The following RNF207 variants were observed in gnomAD, a reference collection of about 807,000 sequenced individuals.
The protein encoded by RNF207 is OTTHUMG00000001089.
Under a neutral mutation model 79.0 loss-of-function variants are expected in RNF207, and 72 were observed. That is an observed-to-expected ratio of 0.91 (90% CI 0.75 to 1.11). The LOEUF is 1.11. RNF207 is among the 50% of genes least tolerant of loss of function. The probability of loss-of-function intolerance (pLI) is 0.00; values close to 1 mark genes in which losing one functional copy is unlikely to be tolerated. For missense variants in RNF207, 936 were observed against 855.8 expected (o/e 1.09, Z -1.17); for synonymous variants, 348 against 366.2 (o/e 0.95, Z 0.57).
chr1:6,218,414 T>A, intron 17 of RNF207, 45 bp downstream of exon 17: 1 of 1,416,114 alleles, frequency 7.1e-7, no homozygotes, highest in Non-Finnish European at 1.0e-6. Flanking sequence ...CGATGTGGCT[T>A]CTGAGGCCAA....
At chr1:6,209,666 T>C in intron 7 of RNF207, 127 bp downstream of exon 7, 1 of 1,221,804 alleles carries the variant, frequency 8.2e-7, no homozygotes, top group Non-Finnish European at 1.1e-6. Flanking sequence ...TTCCTGGAGT[T>C]GCTAGGAGAG....
chr1:6,209,148 C>A lies in RNF207; in HGVS notation c.503C>A (p.Thr168Asn). ...GCAGAGCCCTACCTCTTGTTCTCCA[C>A]CGACAAGAAGTTGCTGTTGTGCATC... ...LHAEPYLLFS[T>N]DKKLLLCIRC... The change falls in exon 5 of 18, where the codon ACC becomes AAC. Residue 168 changes from threonine to asparagine, a missense_variant. Thr to Asn is a moderately conservative substitution (Grantham distance 65). Transcript: ENST00000377939. 6.4e-7 allele frequency: 1 copy of A among 1,558,190 alleles called. No homozygotes were observed. The highest frequency in any genetic ancestry group is 8.7e-7 in the Non-Finnish European group (1 of 1,150,462).
chr1:6,215,940 G>A (rs537702842), intron 16 of RNF207, among the ~76,000 whole-genome samples: 18 of 152,356 alleles, frequency 1.2e-4, no homozygotes, highest in Admixed American at 7.2e-4. Flanking sequence ...GAGGCAGATC[G>A]GAAGCTCTGA....
Position 6,209,264 on chromosome 1 carries a change from G to A in RNF207, c.552-4G>A. The A allele has an allele frequency of 6.5e-7, 1 of 1,549,340 alleles. No homozygotes were observed. The highest frequency in any genetic ancestry group is 2.4e-5 in the East Asian group (1 of 40,946). On this transcript the variant is annotated splice_region_variant and splice_polypyrimidine_tract_variant and intron_variant, in intron 5 of 17. Transcript: ENST00000377939. ...GAGCGGGCCTCACCCGCCGCCTTCT[G>A]CAGGGAGAGCCGGGCACACTGCGTG...
chr1:6,210,210 C>T lies in RNF207; in HGVS notation c.801-13C>T. On this transcript the variant is annotated splice_polypyrimidine_tract_variant and intron_variant, in intron 8 of 17. Transcript: ENST00000377939. ...CCTGGCCCCCTGGAAACCAGGCAGC[C>T]CCCCTCCCCCAGCCAATACGAAGAG... is the stretch of plus-strand genomic sequence containing the variant. 2 of 1,610,954 alleles carry T rather than the reference C, an allele frequency of 1.2e-6. No individual in the cohort carries two copies. The highest frequency in any genetic ancestry group is 1.1e-5 in the South Asian group (1 of 90,900).
In RNF207 at chr1:6,212,680, A is replaced by C; in HGVS notation, c.1483-2A>C. On this transcript the variant is annotated splice_acceptor_variant, in intron 14 of 17. Transcript: ENST00000377939. LOFTEE classifies it high-confidence loss of function. ...ATCCAATGTCCAGCTTTTCTCTTTC[A>C]GATTTGGGAGGAAGCCTATCAGCGA... 3 of 1,613,330 alleles carry C rather than the reference A, an allele frequency of 1.9e-6. No individual in the cohort carries two copies. Among genetic ancestry groups the C allele is most frequent in the East Asian group, 2.2e-5 (1 of 44,850 alleles).
rs1668212624 is a variant in RNF207 at position 6,212,388 on chromosome 1, T to C, written c.1454T>C (p.Leu485Ser). Residue 485 changes from leucine (L) to serine (S), a missense_variant, in exon 14 of 18, where the codon TTA (leucine) becomes TCA (serine). Transcript: ENST00000377939. ...CAGATCGCCTCGGAGCACGCCTCCT[T>C]AGAGGGCATGAGGGTCGTCTTCCAG... ...DVQIASEHAS[L>S]EGMRVVFQEI... is the part of the protein sequence containing the mutation. 2 of 1,612,498 alleles carry C rather than the reference T, an allele frequency of 1.2e-6. No homozygotes were observed. The highest frequency in any genetic ancestry group is 1.7e-6 in the Non-Finnish European group (2 of 1,179,308).
At chr1:6,206,771 C>T (rs771699481) in intron 2 of RNF207, 45 bp downstream of exon 2, 2 of 1,545,590 alleles carry the variant, frequency 1.3e-6, no homozygotes, top group Non-Finnish European at 1.7e-6. Context: ...CCCCATCCCC[C>T]GGGCCCAAGG....
intron 17 of RNF207, among the ~76,000 whole-genome samples, chr1:6,218,665 G>A (rs1557595295): frequency 6.6e-6 from 1 of 152,214 alleles, no homozygotes; most frequent in Non-Finnish European, 1.5e-5. Context: ...GCTTATGCTA[G>A]GGGACTCGGG....
intron 17 of RNF207, 61 bp from the exon 18 acceptor site, chr1:6,219,175 T>C: frequency 6.8e-7 from 1 of 1,471,614 alleles, no homozygotes; most frequent in Non-Finnish European, 9.2e-7. Context: ...AAGTGGATTT[T>C]AGTGCAGGGA....
chr1:6,210,263 T>G lies in RNF207; in HGVS notation c.841T>G (p.Ser281Ala). 1 of 1,613,602 alleles carries G rather than the reference T, an allele frequency of 6.2e-7. No individual in the cohort carries two copies. Among genetic ancestry groups the G allele is most frequent in the Non-Finnish European group, 8.5e-7 (1 of 1,179,824 alleles). ...EKDKAFKEQL[S>A]HLATLLPTLQ... ...GGACAAGGCCTTCAAGGAGCAGCTCTCTCACTTGGCCACCTTGCTGCCCAC... is the reference window on the plus strand; with the variant it reads ...GGACAAGGCCTTCAAGGAGCAGCTCGCTCACTTGGCCACCTTGCTGCCCAC... The change falls in exon 9 of 18, where the codon TCT becomes GCT. Residue 281 changes from serine (S) to alanine (A), a missense_variant. Ser to Ala is a moderately conservative substitution (Grantham distance 99, BLOSUM62 1). Transcript: ENST00000377939.
rs770615114 is a variant in RNF207 at position 6,211,088 on chromosome 1, G to A, written c.1079G>A (p.Arg360Gln). 33 of 1,602,370 alleles carry A rather than the reference G, an allele frequency of 2.1e-5. 1 individual carries two copies. The highest frequency in any genetic ancestry group is 1.6e-4 in the South Asian group (14 of 90,226). The change falls in exon 12 of 18, where the codon CGG becomes CAG. Residue 360 changes from arginine to glutamine, a missense_variant. Coordinates refer to ENST00000377939, the MANE Select transcript of RNF207 (RefSeq NM_207396.3). This position sits in a 1 kb window ranked among gnomAD's most constrained non-coding sequence, Gnocchi z 4.2. ...LEPLLLLGPR[R>Q]VAAAASGANT... Reference sequence around the variant, plus strand: ...CCACTGCTGCTGCTGGGGCCACGTCGGGTGGCAGCTGCTGCAAGTGGTGCT... The same window carrying A: ...CCACTGCTGCTGCTGGGGCCACGTCAGGTGGCAGCTGCTGCAAGTGGTGCT...
rs562444245 is a variant in RNF207 at position 6,218,436 on chromosome 1, A to T, written c.1733+67A>T. The T allele has an allele frequency of 3.3e-6, 4 of 1,199,382 alleles. No individual in the cohort carries two copies. In the African/African-American group the frequency reaches 6.1e-5, roughly 18 times the overall value. 74.3% of individuals were successfully genotyped at this position (1,199,382 alleles called of 1,614,324 possible). ...GCTTCTGAGGCCAACAGGACGACAA[A>T]GGAAACTCCAGGCTTTTCCCCTTTG... On this transcript the variant is annotated intron_variant, in intron 17 of 17. Coordinates refer to ENST00000377939, the MANE Select transcript of RNF207 (RefSeq NM_207396.3).
In RNF207 at chr1:6,219,518, A is replaced by G; in HGVS notation, c.*111A>G. The G allele has an allele frequency of 1.3e-6, 1 of 789,578 alleles. No individual in the cohort carries two copies. Among genetic ancestry groups the G allele is most frequent in the Middle Eastern group, 4.0e-4 (1 of 2,490 alleles). The allele number at this position is 789,578 out of a possible 1,614,324, so 48.9% of individuals were successfully genotyped here. ...TTTTTATTTTTTATTTTTGAGATGG[A>G]GTTTCGCTCTGTTGCCCAGGCTGGA... On this transcript the variant is annotated 3_prime_UTR_variant, in exon 18 of 18. Transcript: ENST00000377939.
Position 6,209,045 on chromosome 1 carries a change from C to A in RNF207, c.469+20C>A. ...AGTGCAGTGAGTGAGGCTTGCGGGGCCGGGGACTTGGGGGTGGGGGCGGGG... is the reference window on the plus strand; with the variant it reads ...AGTGCAGTGAGTGAGGCTTGCGGGGACGGGGACTTGGGGGTGGGGGCGGGG... On this transcript the variant is annotated intron_variant, in intron 4 of 17. Transcript: ENST00000377939. 3 of 536,050 alleles carry A rather than the reference C, an allele frequency of 5.6e-6. No individual in the cohort carries two copies. The highest frequency in any genetic ancestry group is 1.0e-5 in the Non-Finnish European group (3 of 297,924). The allele number at this position is 536,050 out of a possible 1,614,324, so 33.2% of individuals were successfully genotyped here.
At position 6,209,280 on chromosome 1, in the gene RNF207, A is replaced by G. The variant is rs4908865; in HGVS notation, c.564A>G (p.Ala188=). 122,661 of 1,548,836 alleles carry G rather than the reference A, an allele frequency of 0.079. 6,890 individuals are homozygous for G. Among genetic ancestry groups the G allele is most frequent in the African/African-American group, 0.28 (20,756 of 73,092 alleles). ...CFRDMQKESR[A]HCVDLESAYV... ...CCGCCTTCTGCAGGGAGAGCCGGGCACACTGCGTGGACCTGGAATCGGCTT... is the reference window on the plus strand; with the variant it reads ...CCGCCTTCTGCAGGGAGAGCCGGGCGCACTGCGTGGACCTGGAATCGGCTT... Residue 188 remains alanine, a synonymous_variant, in exon 6 of 18, where the codon GCA becomes GCG. Transcript: ENST00000377939.
chr1:6,207,053 CA>C lies in RNF207; in HGVS notation c.192-322del, dbSNP rs960575634. ...GGGGGTCCTAGAAGTCTTAGGTCCA[CA>C]AAACCACAGTTTCAGTTATGTGGGC... On this transcript the variant is annotated intron_variant, in intron 2 of 17. Coordinates refer to ENST00000377939, the MANE Select transcript of RNF207 (RefSeq NM_207396.3). The surrounding 1 kb of genome is among the most constrained non-coding windows in gnomAD (Gnocchi z 4.5). 1.3e-5 allele frequency among the ~76,000 whole-genome samples: 2 copies of C among 152,154 alleles called. No individual in the cohort carries two copies. Among genetic ancestry groups the C allele is most frequent in the African/African-American group, 2.4e-5 (1 of 41,454 alleles).
In RNF207 at chr1:6,220,927, C is replaced by T. The variant is rs1027767460; in HGVS notation, c.*1520C>T. ...GGGTCTACGTGCTAACATGGCAGCA[C>T]ATTCAACACATAACACATCACTCAC... On this transcript the variant is annotated 3_prime_UTR_variant, in exon 18 of 18. Coordinates refer to ENST00000377939, the MANE Select transcript of RNF207 (RefSeq NM_207396.3). The T allele has an allele frequency of 6.6e-6, 1 of 152,226 alleles. No homozygotes were observed. The highest frequency in any genetic ancestry group is 1.5e-5 in the Non-Finnish European group (1 of 68,052). 9.4% of individuals were successfully genotyped at this position (152,226 alleles called of 1,614,324 possible). A position where few individuals can be genotyped will look rare whatever the true frequency, so the allele number is the denominator to read the frequency against.
At position 6,218,320 on chromosome 1, in the gene RNF207, A is replaced by G; in HGVS notation, c.1684A>G (p.Ser562Gly). 6.2e-7 allele frequency: 1 copy of G among 1,614,126 alleles called. No homozygotes were observed. The highest frequency in any genetic ancestry group is 1.7e-5 in the Admixed American group (1 of 60,022). Residue 562 changes from serine to glycine, a missense_variant, in exon 17 of 18, where the codon AGT becomes GGT. By Grantham distance (56) the Ser-to-Gly change is moderately conservative. Transcript: ENST00000377939. ...FQAPVDEQSESLQNTHDDSRN... is the reference protein window; with the variant it reads ...FQAPVDEQSEGLQNTHDDSRN... Reference sequence around the variant, plus strand: ...GGCACCCGTGGATGAGCAGTCAGAGAGTCTACAGAACACGCACGACGACAG... The same window carrying G: ...GGCACCCGTGGATGAGCAGTCAGAGGGTCTACAGAACACGCACGACGACAG...
Sources: gnomAD v4.1 joint callset for allele counts (sites outside exome capture counted in the v4.1 genomes callset) on GRCh38, gnomAD v4.1.1 for gene constraint, Gnocchi (gnomAD v3.1) non-coding constraint, MANE v1.5 for transcripts, NCBI Gene and HGNC (gene_info 2026-07-23, HGNC 2026-07-21) for gene names.